The following NCOA7 variants were observed in gnomAD, a reference collection of about 807,000 sequenced individuals.
NCOA7 encodes 140 kDa estrogen receptor-associated protein.
Under a neutral mutation model 104.3 loss-of-function variants are expected in NCOA7, and 45 were observed. The observed-to-expected ratio is 0.43, with a 90% CI of 0.34 to 0.55. The LOEUF is 0.55. NCOA7 is among the 20% of genes least tolerant of loss of function. The pLI is 0.02. For missense variants in NCOA7, 1,041 were observed against 1,119.7 expected, an observed-to-expected ratio of 0.93 and a Z score of 1.00; for synonymous variants, 398 against 402.3, an observed-to-expected ratio of 0.99 and a Z score of 0.13.
In NCOA7 at chr6:125,890,683, A is replaced by C; in HGVS notation, c.1969A>C (p.Met657Leu). ...AGAAGAAAAAAGCAAGACCCCACCC[A>C]TGTTCCTGTGCATCAAAGTGGGAAA... is the stretch of plus-strand genomic sequence containing the variant. ...SKEEKSKTPP[M>L]FLCIKVGKPM... Residue 657 changes from methionine to leucine, a missense_variant, in exon 10 of 16, where the codon ATG (methionine) becomes CTG (leucine). Physicochemically the swap from Met to Leu is conservative, Grantham distance 15. Around this residue, in one of 2 missense-constraint regions of NCOA7, gnomAD observed 914 missense variants for 942.7 expected, o/e 0.97. Transcript: ENST00000392477. 1 of 1,613,728 alleles carries C rather than the reference A, an allele frequency of 6.2e-7. No individual in the cohort carries two copies. The highest frequency in any genetic ancestry group is 8.5e-7 in the Non-Finnish European group (1 of 1,179,812).
intron 10 of NCOA7, among the ~76,000 whole-genome samples, chr6:125,894,397 A>C (rs777476222): frequency 2.7e-4 from 41 of 152,306 alleles, no homozygotes; most frequent in Non-Finnish European, 5.4e-4. Flanking sequence ...AATAATTTAG[A>C]GATTTCACTA....
chr6:125,920,586 A>G (rs1348424486), intron 11 of NCOA7, among the ~76,000 whole-genome samples: 1 of 152,162 alleles, frequency 6.6e-6, no homozygotes, highest in African/African-American at 2.4e-5. Flanking sequence ...TTATTTCTAT[A>G]TGGAGATAGG....
At chr6:125,917,356 C>A (rs1787174979) in intron 11 of NCOA7, among the ~76,000 whole-genome samples, 1 of 152,172 alleles carries the variant, frequency 6.6e-6, no homozygotes, top group South Asian at 2.1e-4. Context: ...CTCATCACTG[C>A]TTTCCTTGCT....
At chr6:125,918,904 A>G (rs981028663) in intron 11 of NCOA7, among the ~76,000 whole-genome samples, 1 of 151,928 alleles carries the variant, frequency 6.6e-6, no homozygotes, top group Non-Finnish European at 1.5e-5. Context: ...GATCACACGT[A>G]CCATTTTAAA....
At chr6:125,877,834 C>A (rs1402578683) in intron 4 of NCOA7, among the ~76,000 whole-genome samples, 1 of 152,162 alleles carries the variant, frequency 6.6e-6, no homozygotes, top group Non-Finnish European at 1.5e-5. Context: ...CCAGCTTTGC[C>A]ATACAAGCCA....
intron 2 of NCOA7, among the ~76,000 whole-genome samples, chr6:125,829,862 A>G (rs559721688): frequency 8.7e-4 from 132 of 152,358 alleles, no homozygotes; most frequent in Non-Finnish European, 1.5e-3. Context: ...TCTAAGTGTC[A>G]GGTTCATGTT....
intron 1 of NCOA7, among the ~76,000 whole-genome samples, chr6:125,803,902 T>G (rs140307965): frequency 1.3e-5 from 2 of 152,144 alleles, no homozygotes; most frequent in Non-Finnish European, 2.9e-5. Context: ...CCCCAACAAA[T>G]AGTAATAAGT....
At chr6:125,901,615 C>A (rs143684604) in intron 10 of NCOA7, among the ~76,000 whole-genome samples, 1 of 152,200 alleles carries the variant, frequency 6.6e-6, no homozygotes, top group African/African-American at 2.4e-5. Context: ...GGGTTGCCCA[C>A]GACCACTGGA....
At chr6:125,830,046 C>T (rs562365626) in intron 2 of NCOA7, among the ~76,000 whole-genome samples, 5 of 152,274 alleles carry the variant, frequency 3.3e-5, no homozygotes, top group South Asian at 4.1e-4. Flanking sequence ...TTGAACTTTT[C>T]GAGCTATAAC....
intron 1 of NCOA7, among the ~76,000 whole-genome samples, chr6:125,814,747 C>G (rs579477): frequency 0.31 from 47,159 of 152,048 alleles, 8,798 homozygotes; most frequent in Admixed American, 0.45. Flanking sequence ...TGCTGAGGAA[C>G]AGCTTCCTGT....
chr6:125,893,316 T>C (rs1247427644), intron 10 of NCOA7, among the ~76,000 whole-genome samples: 1 of 152,224 alleles, frequency 6.6e-6, no homozygotes, highest in African/African-American at 2.4e-5. Context: ...ACTTGTTCTA[T>C]TTAGGCAAGT....
In NCOA7 at chr6:125,928,721, A is replaced by G; in HGVS notation, c.2779A>G (p.Lys927Glu). Residue 927 changes from lysine (K) to glutamate (E), a missense_variant, in exon 16 of 16, where the codon AAA (lysine) becomes GAA (glutamate). Physicochemically the swap from Lys to Glu is moderately conservative, Grantham distance 56. Around this residue, in one of 2 missense-constraint regions of NCOA7, gnomAD observed 127 missense variants for 177.0 expected, o/e 0.72. Transcript: ENST00000392477. ...CSTFNNDILS[K>E]KEDFIVQDLE... ...CACTTTCAATAATGATATTCTTTCC[A>G]AAAAGGAAGACTTCATAGTTCAGGA... is the stretch of plus-strand genomic sequence containing the variant. 5 of 1,613,946 alleles carry G rather than the reference A, an allele frequency of 3.1e-6. No individual in the cohort carries two copies. The highest frequency in any genetic ancestry group is 4.2e-6 in the Non-Finnish European group (5 of 1,179,950).
intron 13 of NCOA7, among the ~76,000 whole-genome samples, chr6:125,925,612 T>A (rs1295225934): frequency 2.0e-5 from 3 of 152,242 alleles, no homozygotes; most frequent in Non-Finnish European, 4.4e-5. Flanking sequence ...GTGGTACTAA[T>A]GTTATAAATG....
At chr6:125,890,066 A>C in intron 9 of NCOA7, 85 bp downstream of exon 9, 1 of 1,013,508 alleles carries the variant, frequency 9.9e-7, no homozygotes, top group Non-Finnish European at 1.4e-6. Flanking sequence ...ACATTAGTAC[A>C]TTTATTTGAA....
rs778729370 is a variant in NCOA7, at chr6:125,889,553, C to T, written c.1499C>T (p.Ser500Phe). ...ATAATGCCAGAAGTGGACAAGCAGT[C>T]TGGTTCGCCAGAAAGCCGAGTAGAA... The part of the protein sequence containing the change: ...QDIMPEVDKQ[S>F]GSPESRVENT... Residue 500 changes from serine to phenylalanine, a missense_variant, in exon 9 of 16, where the codon TCT becomes TTT. By Grantham distance (155) the Ser-to-Phe change is radical. Around this residue, in one of 2 missense-constraint regions of NCOA7, gnomAD observed 914 missense variants for 942.7 expected, o/e 0.97. Transcript: ENST00000392477. 3.1e-6 allele frequency: 5 copies of T among 1,613,908 alleles called. No individual in the cohort carries two copies. The highest frequency in any genetic ancestry group is 3.4e-6 in the Non-Finnish European group (4 of 1,179,980).
intron 10 of NCOA7, among the ~76,000 whole-genome samples, chr6:125,903,273 G>A (rs1003237123): frequency 1.7e-4 from 26 of 152,346 alleles, no homozygotes; most frequent in African/African-American, 5.5e-4. Context: ...GTGCCTGGCA[G>A]AGCATGTATG....
chr6:125,908,127 A>C (rs1786196366), intron 10 of NCOA7, among the ~76,000 whole-genome samples: 1 of 152,202 alleles, frequency 6.6e-6, no homozygotes, highest in Non-Finnish European at 1.5e-5. Context: ...CAGTTCCAAA[A>C]GAGTAGGCTT....
chr6:125,782,998 G>C (rs1397045220), intron 1 of NCOA7, among the ~76,000 whole-genome samples: 1 of 152,182 alleles, frequency 6.6e-6, no homozygotes, highest in Non-Finnish European at 1.5e-5. Context: ...ATGTGCAAAA[G>C]ACTCATCTGG....
intron 4 of NCOA7, among the ~76,000 whole-genome samples, chr6:125,875,652 C>T (rs1193250867): frequency 6.6e-6 from 1 of 152,202 alleles, no homozygotes; most frequent in Non-Finnish European, 1.5e-5. Flanking sequence ...CAGTCTAGGC[C>T]ATATCCCTTT....
Sources: allele counts gnomAD v4.1 joint callset (sites outside exome capture counted in the v4.1 genomes callset), GRCh38; gene constraint gnomAD v4.1.1; regional missense constraint gnomAD v4.1.1; transcripts MANE v1.5; gene names NCBI Gene and HGNC (gene_info 2026-07-23, HGNC 2026-07-21).